Variants in LIN52 observed in about 807,000 individuals in gnomAD.
LIN52 encodes lin-52 DREAM MuvB core complex component.
LIN52 carries 4 observed loss-of-function variants against 18.5 expected under a neutral mutation model. The ratio of observed to expected loss-of-function variants is 0.22; its 90% CI spans 0.11 to 0.49. The LOEUF is 0.49. Among genes scored for constraint, LIN52 ranks in the 20% least tolerant of loss-of-function variants. The pLI is 0.97. For synonymous variants in LIN52, 34 were observed against 45.5 expected, an observed-to-expected ratio of 0.75 and a Z score of 1.02; for missense variants, 102 against 139.5, an observed-to-expected ratio of 0.73 and a Z score of 1.35.
chr14:74,198,978 C>T lies in LIN52; in HGVS notation c.*1C>T. ...TATTCTAGAGAAGCCCAAGAAGTAG[C>T]AGCTGCTTGCGGACAGGATGTCCTG... On this transcript the variant is annotated 3_prime_UTR_variant, in exon 6 of 6. Coordinates refer to ENST00000555028, the MANE Select transcript of LIN52 (RefSeq NM_001024674.3). 2 of 1,610,070 alleles carry T rather than the reference C, an allele frequency of 1.2e-6. No individual in the cohort carries two copies. Among genetic ancestry groups the T allele is most frequent in the Admixed American group, 1.7e-5 (1 of 59,988 alleles).
chr14:74,162,104 T>G (rs578097752), intron 5 of LIN52, among the ~76,000 whole-genome samples: 3 of 152,304 alleles, frequency 2.0e-5, no homozygotes, highest in Admixed American at 6.5e-5. Flanking sequence ...TTTTGCATCA[T>G]GGGGTTGATA....
chr14:74,183,029 C>T (rs1486185085), intron 5 of LIN52, among the ~76,000 whole-genome samples: 1 of 151,526 alleles, frequency 6.6e-6, no homozygotes, highest in African/African-American at 2.4e-5. Flanking sequence ...GTAATTTGTT[C>T]CTCATCTAAA....
At chr14:74,157,290 C>A (rs923083052) in intron 5 of LIN52, among the ~76,000 whole-genome samples, 10 of 152,076 alleles carry the variant, frequency 6.6e-5, no homozygotes, top group South Asian at 2.1e-4. Context: ...GCCTCAGCCT[C>A]CCAAAGTGCT....
chr14:74,162,680 C>T (rs1436495579), intron 5 of LIN52, among the ~76,000 whole-genome samples: 1 of 152,040 alleles, frequency 6.6e-6, no homozygotes, highest in Non-Finnish European at 1.5e-5. Context: ...AGGTGTGAGC[C>T]ACTGCGCCCA....
At chr14:74,130,295 T>TTTTTTTTTTTTTTTTTTTTTTC (rs1315000657) in intron 5 of LIN52, among the ~76,000 whole-genome samples, 14 of 140,274 alleles carry the variant, frequency 1.0e-4, no homozygotes, top group South Asian at 4.4e-4. Flanking sequence ...TTTTTTTTTT[T>TTTTTTTTTTTTTTTTTTTTTTC]TGAGACAGTC....
chr14:74,163,208 G>C (rs1566864365), intron 5 of LIN52, among the ~76,000 whole-genome samples: 1 of 152,032 alleles, frequency 6.6e-6, no homozygotes, highest in African/African-American at 2.4e-5. Flanking sequence ...CAGCCTCCAG[G>C]TAGCTGGGAC....
At chr14:74,095,353 T>TC (rs975693687) in intron 2 of LIN52, among the ~76,000 whole-genome samples, 3 of 151,966 alleles carry the variant, frequency 2.0e-5, no homozygotes, top group Admixed American at 6.6e-5. Context: ...CAGGCTGGTC[T>TC]CCAACTCCTG....
chr14:74,092,646 G>T (rs2060780437), intron 2 of LIN52, among the ~76,000 whole-genome samples: 2 of 151,602 alleles, frequency 1.3e-5, no homozygotes, highest in Admixed American at 6.6e-5. Context: ...GCTGGGCATG[G>T]TGGTTCATGC....
chr14:74,111,827 CTT>C (rs2060930843), intron 5 of LIN52, among the ~76,000 whole-genome samples: 1 of 151,872 alleles, frequency 6.6e-6, no homozygotes, highest in Non-Finnish European at 1.5e-5. Flanking sequence ...ACCCACATCT[CTT>C]GAACTGGATT....
At chr14:74,137,552 G>A (rs2061105340) in intron 5 of LIN52, among the ~76,000 whole-genome samples, 1 of 140,276 alleles carries the variant, frequency 7.1e-6, no homozygotes, top group Admixed American at 7.3e-5. Context: ...AGGCTGGAGT[G>A]CAGTGGCGCG....
rs751337129 is a variant in LIN52 at position 74,101,288 on chromosome 14, T to TGTATTCCACCCTGAGCTCAG, written c.283+69_283+88dup. On this transcript the variant is annotated intron_variant, in intron 5 of 5. Transcript: ENST00000555028. ...CAGGGGTGTATTCCACCCTGAGCTG[T>TGTATTCCACCCTGAGCTCAG]GTATTCCACCCTGAGCTCAGGTATT... 11 of 1,314,018 alleles carry TGTATTCCACCCTGAGCTCAG rather than the reference T, an allele frequency of 8.4e-6. 1 individual carries two copies. The highest frequency in any genetic ancestry group is 4.8e-5 in the Admixed American group (2 of 41,320). The allele number at this position is 1,314,018 out of a possible 1,614,324, so 81.4% of individuals were successfully genotyped here.
intron 5 of LIN52, among the ~76,000 whole-genome samples, chr14:74,195,068 C>G (rs2078903132): frequency 6.6e-6 from 1 of 152,082 alleles, no homozygotes; most frequent in African/African-American, 2.4e-5. Flanking sequence ...ATCACTTGAA[C>G]CGGGGAGGCA....
intron 5 of LIN52, among the ~76,000 whole-genome samples, chr14:74,148,017 C>T (rs755248852): frequency 9.2e-5 from 14 of 151,876 alleles, no homozygotes; most frequent in Non-Finnish European, 2.1e-4. Flanking sequence ...TGAATTATAT[C>T]TCAAGTTTTT....
chr14:74,145,777 GTTT>G (rs1209502164), intron 5 of LIN52, among the ~76,000 whole-genome samples: 2 of 151,500 alleles, frequency 1.3e-5, no homozygotes, highest in East Asian at 3.9e-4. Context: ...TTGTTTTTTT[GTTT>G]GTTTGTTTCT....
At chr14:74,104,461 A>G (rs1369312758) in intron 5 of LIN52, among the ~76,000 whole-genome samples, 1 of 151,712 alleles carries the variant, frequency 6.6e-6, no homozygotes, top group Non-Finnish European at 1.5e-5. Flanking sequence ...AAACCTAGTC[A>G]TTTGTTCTGT....
At chr14:74,095,921 TA>T in intron 2 of LIN52, 26 bp from the exon 3 acceptor site, 1 of 1,536,254 alleles carries the variant, frequency 6.5e-7, no homozygotes, top group Non-Finnish European at 9.0e-7. Flanking sequence ...ACTTATTGAA[TA>T]AATAAAGTTT....
At chr14:74,150,570 T>G (rs567150241) in intron 5 of LIN52, among the ~76,000 whole-genome samples, 1 of 152,136 alleles carries the variant, frequency 6.6e-6, no homozygotes, top group Non-Finnish European at 1.5e-5. Context: ...GCTTCTGCAG[T>G]GGTGGTAATG....
chr14:74,093,703 C>T (rs768082702), intron 2 of LIN52, among the ~76,000 whole-genome samples: 3 of 152,174 alleles, frequency 2.0e-5, no homozygotes, highest in African/African-American at 4.8e-5. Flanking sequence ...TGATGGCTCA[C>T]GCCTGTAATC....
chr14:74,189,316 C>T (rs1311429272), intron 5 of LIN52, among the ~76,000 whole-genome samples: 1 of 152,158 alleles, frequency 6.6e-6, no homozygotes, highest in Non-Finnish European at 1.5e-5. Context: ...ATGTTCTGCA[C>T]AAATTTATGA....
Sources: allele counts gnomAD v4.1 joint callset (sites outside exome capture counted in the v4.1 genomes callset), GRCh38; gene constraint gnomAD v4.1.1; transcripts MANE v1.5; gene names NCBI Gene and HGNC (gene_info 2026-07-23, HGNC 2026-07-21).